Variants in ENOX2 observed in about 807,000 individuals in gnomAD.
The protein encoded by ENOX2 is ecto-NOX disulfide-thiol exchanger 2.
A neutral mutation model predicts 45.0 loss-of-function variants in ENOX2; 36 were observed. The observed-to-expected ratio is 0.80, with a 90% CI of 0.61 to 1.06. The LOEUF (loss-of-function observed/expected upper bound fraction) is 1.06, where lower values mean the gene tolerates loss of function less well. ENOX2 is among the 50% of genes least tolerant of loss of function. The pLI, the probability that ENOX2 is intolerant of heterozygous loss-of-function variation, is 0.00. For missense variants in ENOX2, 423 were observed against 462.5 expected (o/e 0.91, Z 0.78); for synonymous variants, 174 against 152.3 (o/e 1.14, Z -1.05).
At chrX:130,683,704 C>T (rs1200384376) in intron 5 of ENOX2, among the ~76,000 whole-genome samples, 1 of 108,117 alleles carries the variant, frequency 9.2e-6, no homozygotes, top group African/African-American at 3.4e-5. Context: ...CCTTTTTTTT[C>T]ACCACTAAGA....
chrX:130,764,499 G>GT (rs111932904), intron 3 of ENOX2, among the ~76,000 whole-genome samples: 2,958 of 98,542 alleles, frequency 0.03, 79 homozygotes, highest in African/African-American at 0.088. Context: ...GTATAGTACA[G>GT]TTTTTTTTTT....
At chrX:130,823,506 A>G (rs1429714965) in intron 2 of ENOX2, among the ~76,000 whole-genome samples, 1 of 112,497 alleles carries the variant, frequency 8.9e-6, no homozygotes, top group Non-Finnish European at 1.9e-5. Context: ...GTCATGATAC[A>G]GATCATCTTT....
At chrX:130,804,138 T>C (rs1453920355) in intron 2 of ENOX2, among the ~76,000 whole-genome samples, 1 of 111,676 alleles carries the variant, frequency 9.0e-6, no homozygotes, top group African/African-American at 3.3e-5. Flanking sequence ...TTACCAAAAG[T>C]GAGGCAGCAG....
At chrX:130,773,866 A>C (rs1182332526) in intron 3 of ENOX2, among the ~76,000 whole-genome samples, 1 of 112,570 alleles carries the variant, frequency 8.9e-6, no homozygotes, top group Non-Finnish European at 1.9e-5. Context: ...TGAATAGCTC[A>C]CATTATGGAG....
At chrX:130,661,433 C>T (rs1434963047) in intron 9 of ENOX2, among the ~76,000 whole-genome samples, 3 of 111,204 alleles carry the variant, frequency 2.7e-5, no homozygotes, top group East Asian at 5.6e-4. Context: ...AAGCAATCTG[C>T]CTGTGTCAGC....
intron 3 of ENOX2, among the ~76,000 whole-genome samples, chrX:130,713,694 C>A (rs79255987): frequency 1.8e-5 from 2 of 110,702 alleles, no homozygotes; most frequent in Non-Finnish European, 3.8e-5. Context: ...TATTTTCTTA[C>A]CTAATATTTA....
At chrX:130,757,512 T>C (rs1232840183) in intron 3 of ENOX2, among the ~76,000 whole-genome samples, 2 of 111,661 alleles carry the variant, frequency 1.8e-5, no homozygotes, top group African/African-American at 6.5e-5. Flanking sequence ...GAAAGAGGTA[T>C]GATGGGGAAG....
intron 3 of ENOX2, among the ~76,000 whole-genome samples, chrX:130,781,963 T>TA (rs2076904738): frequency 9.0e-6 from 1 of 111,238 alleles, no homozygotes; most frequent in African/African-American, 3.3e-5. Context: ...AGTGTAGAGG[T>TA]AAAAAACCTA....
chrX:130,667,038 G>A (rs1393208051), intron 8 of ENOX2, among the ~76,000 whole-genome samples: 1 of 111,739 alleles, frequency 8.9e-6, no homozygotes, highest in African/African-American at 3.3e-5. Flanking sequence ...TCCAGCAAAG[G>A]TAGCAGAAGA....
At chrX:130,663,082 T>C (rs1308057190) in intron 9 of ENOX2, among the ~76,000 whole-genome samples, 3 of 112,515 alleles carry the variant, frequency 2.7e-5, no homozygotes, top group Non-Finnish European at 5.6e-5. Context: ...ATCTCTACTG[T>C]GAGTCTAATT....
chrX:130,638,437 C>G (rs1382124676), intron 10 of ENOX2, among the ~76,000 whole-genome samples: 1 of 97,528 alleles, frequency 1.0e-5, no homozygotes, highest in African/African-American at 3.8e-5. Context: ...TTGAAACACA[C>G]ACACACACAC....
chrX:130,778,990 T>C (rs138282197), intron 3 of ENOX2, among the ~76,000 whole-genome samples: 58 of 112,859 alleles, frequency 5.1e-4, no homozygotes, highest in Admixed American at 1.0e-3. Flanking sequence ...ATTTTAGTCA[T>C]CATCCAGTTG....
chrX:130,691,760 C>T (rs2037603900), intron 4 of ENOX2, among the ~76,000 whole-genome samples: 1 of 112,340 alleles, frequency 8.9e-6, no homozygotes, highest in Admixed American at 9.4e-5. Context: ...CTGTCACTCA[C>T]AACTCTACCT....
intron 9 of ENOX2, among the ~76,000 whole-genome samples, chrX:130,659,884 C>T (rs192460909): frequency 0.013 from 1,507 of 112,130 alleles, 19 homozygotes; most frequent in Non-Finnish European, 0.021. Flanking sequence ...CATCTTTCTT[C>T]TTCCAGCTGG....
At chrX:130,719,299 G>C (rs1375931618) in intron 3 of ENOX2, among the ~76,000 whole-genome samples, 1 of 110,919 alleles carries the variant, frequency 9.0e-6, no homozygotes, top group Non-Finnish European at 1.9e-5. Flanking sequence ...TGAAGGAAGA[G>C]ATTCAAACAA....
At chrX:130,873,421 T>C (rs1182485826) in intron 2 of ENOX2, among the ~76,000 whole-genome samples, 4 of 111,717 alleles carry the variant, frequency 3.6e-5, no homozygotes, top group Non-Finnish European at 5.6e-5. Context: ...TGTGGAGAAA[T>C]AGGAACACTT....
intron 9 of ENOX2, among the ~76,000 whole-genome samples, chrX:130,663,277 T>C (rs934090893): frequency 1.8e-5 from 2 of 112,023 alleles, no homozygotes; most frequent in African/African-American, 3.2e-5. Flanking sequence ...ACGCCTATAA[T>C]CCTAGCACTT....
chrX:130,752,471 C>T (rs1247411219), intron 3 of ENOX2, among the ~76,000 whole-genome samples: 1 of 109,701 alleles, frequency 9.1e-6, no homozygotes, highest in Non-Finnish European at 1.9e-5. Context: ...TGCCTTTTCT[C>T]CTATGCCTCA....
intron 3 of ENOX2, among the ~76,000 whole-genome samples, chrX:130,761,696 C>G (rs748309294): frequency 1.8e-5 from 2 of 110,682 alleles, no homozygotes; most frequent in East Asian, 5.7e-4. Flanking sequence ...CAGGTACAAG[C>G]AAAGGGCTGG....
Sources: allele counts gnomAD v4.1 joint callset (sites outside exome capture counted in the v4.1 genomes callset), GRCh38; gene constraint gnomAD v4.1.1; transcripts MANE v1.5; gene names NCBI Gene and HGNC (gene_info 2026-07-23, HGNC 2026-07-21).